Variants in UPF2 observed in about 807,000 individuals in gnomAD.
The protein encoded by UPF2 is UPF2 regulator of nonsense mediated mRNA decay.
Under a neutral mutation model 141.4 loss-of-function variants are expected in UPF2, and 17 were observed. The observed-to-expected ratio is 0.12, with a 90% CI of 0.08 to 0.18. The LOEUF (loss-of-function observed/expected upper bound fraction) is 0.18, where lower values mean the gene tolerates loss of function less well. Ranked by LOEUF, UPF2 falls within the 10% of genes least tolerant of loss-of-function variation. The pLI is 1.00. For missense variants in UPF2, 1,152 were observed against 1,515.9 expected (o/e 0.76, Z 3.99); for synonymous variants, 540 against 498.0 (o/e 1.08, Z -1.12).
At chr10:12,025,548 CTAAATAAATAAATAAA>C (rs141211300) in intron 3 of UPF2, among the ~76,000 whole-genome samples, 3 of 147,356 alleles carry the variant, frequency 2.0e-5, no homozygotes, top group African/African-American at 5.1e-5. Context: ...GACTCCATCT[CTAAATAAATAAATAAA>C]TAAATAAATA....
chr10:11,977,470 A>T (rs1407553820), intron 9 of UPF2, among the ~76,000 whole-genome samples: 2 of 151,916 alleles, frequency 1.3e-5, no homozygotes, highest in African/African-American at 2.4e-5. Flanking sequence ...TAATTCCCCA[A>T]CTCTCACCCC....
rs1204431220 is a variant in UPF2, at chr10:12,016,712, T to G, written c.1146-2528A>C. On this transcript the variant is annotated intron_variant, in intron 3 of 21. Coordinates refer to ENST00000357604, the MANE Select transcript of UPF2 (RefSeq NM_015542.4). This position sits in a 1 kb window ranked among gnomAD's most constrained non-coding sequence, Gnocchi z 4.1. ...GTCTAAAAAAAAAAAGAAAAAGAAG[T>G]AAGTTACTTAAAAATATCTGCAATG... Among the ~76,000 whole-genome samples, 1 of 142,750 alleles carries G rather than the reference T, an allele frequency of 7.0e-6. No individual in the cohort carries two copies. Among genetic ancestry groups the G allele is most frequent in the East Asian group, 2.1e-4 (1 of 4,702 alleles). 93.6% of individuals were successfully genotyped at this position (142,750 alleles called of 152,430 possible).
intron 8 of UPF2, among the ~76,000 whole-genome samples, chr10:11,991,204 C>T (rs943572733): frequency 6.6e-6 from 1 of 151,906 alleles, no homozygotes; most frequent in African/African-American, 2.4e-5. Flanking sequence ...AAATTCTGGC[C>T]AGTTTTCCAT....
At chr10:11,950,804 A>C (rs552118258) in intron 15 of UPF2, among the ~76,000 whole-genome samples, 1 of 152,392 alleles carries the variant, frequency 6.6e-6, no homozygotes, top group African/African-American at 2.4e-5. Context: ...AACTTGGAAA[A>C]AGGTTCAAAG....
At chr10:12,041,719 T>C (rs1413518338) in intron 1 of UPF2, among the ~76,000 whole-genome samples, 1 of 152,218 alleles carries the variant, frequency 6.6e-6, no homozygotes, top group African/African-American at 2.4e-5. Flanking sequence ...GACTTTATTT[T>C]TTAAAGAACA....
chr10:12,009,454 G>C (rs1344884015), intron 4 of UPF2, among the ~76,000 whole-genome samples: 1 of 152,160 alleles, frequency 6.6e-6, no homozygotes, highest in African/African-American at 2.4e-5. Flanking sequence ...AGGATATTCT[G>C]ATCACTGGAC....
rs1237095325 is a variant in UPF2 at position 11,940,815 on chromosome 10, C to T, written c.3378+1850G>A. ...TTGCCCTGGTGGGTACCTCTGCCCT[C>T]CCACACAGGATTGTGCCCCGCCCTC... On this transcript the variant is annotated intron_variant, in intron 18 of 21. Coordinates refer to ENST00000357604, the MANE Select transcript of UPF2 (RefSeq NM_015542.4). The surrounding 1 kb of genome is among the most constrained non-coding windows in gnomAD (Gnocchi z 4.2). Among the ~76,000 whole-genome samples the T allele has an allele frequency of 6.6e-6, 1 of 152,222 alleles. No homozygotes were observed. The highest frequency in any genetic ancestry group is 1.5e-5 in the Non-Finnish European group (1 of 68,042).
intron 9 of UPF2, among the ~76,000 whole-genome samples, chr10:11,974,123 A>G (rs1377516530): frequency 1.3e-5 from 2 of 151,902 alleles, no homozygotes; most frequent in African/African-American, 2.4e-5. Flanking sequence ...ATTCCTAGGT[A>G]TTTTATTCTC....
intron 3 of UPF2, among the ~76,000 whole-genome samples, chr10:12,018,165 C>T (rs1008744475): frequency 3.3e-5 from 5 of 152,116 alleles, no homozygotes; most frequent in Non-Finnish European, 7.4e-5. Flanking sequence ...ACCTAAGGAT[C>T]GGCCAGGCAC....
At chr10:12,039,426 T>TGAAA (rs1834694110) in intron 1 of UPF2, among the ~76,000 whole-genome samples, 1 of 152,200 alleles carries the variant, frequency 6.6e-6, no homozygotes, top group African/African-American at 2.4e-5. Flanking sequence ...TTTAGCAGAC[T>TGAAA]CTGGCTGAAA....
rs1833143575 is a variant in UPF2, at chr10:11,956,010, G to A, written c.2574+310C>T. Among the ~76,000 whole-genome samples, 1 of 152,082 alleles carries A rather than the reference G, an allele frequency of 6.6e-6. No individual in the cohort carries two copies. The highest frequency in any genetic ancestry group is 2.4e-5 in the African/African-American group (1 of 41,416). Reference sequence around the variant, plus strand: ...TACAAAAAAATTAGCTAGGCGTGGTGGCATGCACCTGTAGTAGTCCCAGCT... The same window carrying A: ...TACAAAAAAATTAGCTAGGCGTGGTAGCATGCACCTGTAGTAGTCCCAGCT... On this transcript the variant is annotated intron_variant, in intron 13 of 21. Transcript: ENST00000357604. This position sits in a 1 kb window ranked among gnomAD's most constrained non-coding sequence, Gnocchi z 4.2.
intron 21 of UPF2, among the ~76,000 whole-genome samples, chr10:11,925,196 T>TA (rs1832696782): frequency 1.3e-5 from 2 of 152,230 alleles, no homozygotes; most frequent in Non-Finnish European, 2.9e-5. Flanking sequence ...TGTTTGTTCA[T>TA]CTACCATGTT....
intron 14 of UPF2, among the ~76,000 whole-genome samples, chr10:11,952,575 C>A (rs1036475702): frequency 6.7e-6 from 1 of 149,174 alleles, no homozygotes; most frequent in Non-Finnish European, 1.5e-5. Flanking sequence ...CCCAGGTTCA[C>A]GCCATTCTCC....
At chr10:11,948,245 C>CT in intron 16 of UPF2, 124 bp downstream of exon 16, 1 of 795,354 alleles carries the variant, frequency 1.3e-6, no homozygotes, top group Non-Finnish European at 1.7e-6. Flanking sequence ...AAGACTCTGT[C>CT]TCAAAAAAAA....
intron 21 of UPF2, chr10:11,928,797 A>C: frequency 4.3e-6 from 1 of 233,014 alleles, no homozygotes; most frequent in Non-Finnish European, 8.9e-6. Context: ...AAATTATCTC[A>C]CATTAAACAA....
chr10:11,954,339 A>T (rs1021698033), intron 14 of UPF2, among the ~76,000 whole-genome samples: 39 of 148,594 alleles, frequency 2.6e-4, no homozygotes, highest in Admixed American at 1.2e-3. Flanking sequence ...TTCTTTTTTT[A>T]AAAAAAAATT....
At chr10:12,021,876 T>G (rs1342198603) in intron 3 of UPF2, among the ~76,000 whole-genome samples, 3 of 152,186 alleles carry the variant, frequency 2.0e-5, no homozygotes, top group Non-Finnish European at 4.4e-5. Flanking sequence ...CTGGATGCAG[T>G]GGCTCACGTC....
intron 3 of UPF2, 24 bp downstream of exon 3, chr10:12,028,721 C>T: frequency 1.3e-6 from 2 of 1,549,524 alleles, no homozygotes; most frequent in East Asian, 2.3e-5. Context: ...AAATTCTCAA[C>T]TCTGAGAAAC....
chr10:11,950,648 T>C lies in UPF2; in HGVS notation c.3034+1418A>G, dbSNP rs532333912. The stretch of plus-strand genomic sequence containing the variant: ...TTACTCATGTCCACTATACAGAGAA[T>C]ACCATTCATGCAGGTTTTTGGGAAA... On this transcript the variant is annotated intron_variant, in intron 15 of 21. Coordinates refer to ENST00000357604, the MANE Select transcript of UPF2 (RefSeq NM_015542.4). Among the ~76,000 whole-genome samples, 3 of 152,368 alleles carry C rather than the reference T, an allele frequency of 2.0e-5. No individual in the cohort carries two copies. The East Asian group carries it at 5.8e-4, about 29-fold the overall frequency.
Sources: gnomAD v4.1 joint callset for allele counts (sites outside exome capture counted in the v4.1 genomes callset) on GRCh38, gnomAD v4.1.1 for gene constraint, Gnocchi (gnomAD v3.1) non-coding constraint, MANE v1.5 for transcripts, NCBI Gene and HGNC (gene_info 2026-07-23, HGNC 2026-07-21) for gene names.